The following F2R variants were observed in gnomAD, a reference collection of about 807,000 sequenced individuals.
F2R encodes proteinase-activated receptor 1.
Under a neutral mutation model 18.3 loss-of-function variants are expected in F2R, and 12 were observed. The observed-to-expected ratio is 0.66, with a 90% confidence interval of 0.42 to 1.06. The LOEUF is 1.06. Ranked by LOEUF, F2R falls within the 50% of genes least tolerant of loss-of-function variation. The probability of loss-of-function intolerance (pLI) is 0.00; values close to 1 mark genes in which losing one functional copy is unlikely to be tolerated. For missense variants in F2R, 438 were observed against 530.8 expected (o/e 0.83, Z 1.72); for synonymous variants, 210 against 219.9 (o/e 0.95, Z 0.40).
chr5:76,732,542 C>T lies in F2R; in HGVS notation c.317C>T (p.Pro106Leu), dbSNP rs1748687022. 1 of 1,614,196 alleles carries T rather than the reference C, an allele frequency of 6.2e-7. No homozygotes were observed. ...LTSSWLTLFV[P>L]SVYTGVFVVS... Reference sequence around the variant, plus strand: ...AGCTCCTGGCTGACACTCTTTGTCCCATCTGTGTACACCGGAGTGTTTGTA... The same window carrying T: ...AGCTCCTGGCTGACACTCTTTGTCCTATCTGTGTACACCGGAGTGTTTGTA... The change falls in exon 2 of 2, where the codon CCA (proline) becomes CTA (leucine). Residue 106 changes from proline to leucine, a missense_variant. Transcript: ENST00000319211.
rs116398253 is a variant in F2R at position 76,723,156 on chromosome 5, C to T, written c.88+6761C>T. Among the ~76,000 whole-genome samples the T allele has an allele frequency of 4.3e-3, 649 of 152,242 alleles. 10 individuals are homozygous for T. Among genetic ancestry groups the T allele is most frequent in the Middle Eastern group, 0.027 (8 of 294 alleles). Reference sequence around the variant, plus strand: ...TGTGTGGTTGGTGTGCAGCCAAAGTCAGTAGGACTCCAGAATTCCCAAGCT... The same window carrying T: ...TGTGTGGTTGGTGTGCAGCCAAAGTTAGTAGGACTCCAGAATTCCCAAGCT... On this transcript the variant is annotated intron_variant, in intron 1 of 1. Transcript: ENST00000319211.
chr5:76,720,867 G>A (rs1748437868), intron 1 of F2R, among the ~76,000 whole-genome samples: 1 of 152,144 alleles, frequency 6.6e-6, no homozygotes, highest in African/African-American at 2.4e-5. Context: ...GAGTGCAGAG[G>A]CACAAATTTG....
Position 76,716,248 on chromosome 5 carries a change from A to G in F2R, c.-60A>G. 7.8e-7 allele frequency: 1 copy of G among 1,283,942 alleles called. No homozygotes were observed. The highest frequency in any genetic ancestry group is 1.0e-6 in the Non-Finnish European group (1 of 1,004,108). 79.5% of individuals were successfully genotyped at this position (1,283,942 alleles called of 1,614,324 possible). On this transcript the variant is annotated 5_prime_UTR_variant, in exon 1 of 2. Transcript: ENST00000319211. ...CCCGCAGAAGTCAGGAGAGAGGGTG[A>G]AGCGGAGCAGCCCGAGGCGGGGCAG...
At chr5:76,721,086 C>T (rs776869913) in intron 1 of F2R, among the ~76,000 whole-genome samples, 2 of 152,190 alleles carry the variant, frequency 1.3e-5, no homozygotes, top group South Asian at 2.1e-4. Flanking sequence ...GAATTCTAGG[C>T]GTGAGCCACC....
chr5:76,716,704 C>A, intron 1 of F2R: 1 of 721,592 alleles, frequency 1.4e-6, no homozygotes, highest in Admixed American at 2.0e-5. Flanking sequence ...TTGCACTTGT[C>A]ATTGTGTTTC....
In F2R at chr5:76,721,903, G is replaced by A. The variant is rs573820312; in HGVS notation, c.88+5508G>A. On this transcript the variant is annotated intron_variant, in intron 1 of 1. Transcript: ENST00000319211. ...TTCCACACTATATTCTATTTTTAATGCTTATTGCAATCTTGTGAATTGATT... is the reference window on the plus strand; with the variant it reads ...TTCCACACTATATTCTATTTTTAATACTTATTGCAATCTTGTGAATTGATT... Among the ~76,000 whole-genome samples the A allele has an allele frequency of 3.9e-5, 6 of 151,958 alleles. No homozygotes were observed. In the South Asian group the frequency reaches 1.2e-3, roughly 32 times the overall value.
In F2R at chr5:76,732,633, G is replaced by C. The variant is rs181326734; in HGVS notation, c.408G>C (p.Pro136=). 1 of 1,614,162 alleles carries C rather than the reference G, an allele frequency of 6.2e-7. No individual in the cohort carries two copies. The highest frequency in any genetic ancestry group is 8.5e-7 in the Non-Finnish European group (1 of 1,180,032). ...TCCTGAAAATGAAGGTCAAGAAGCC[G>C]GCGGTGGTGTACATGCTGCACCTGG... The part of the protein sequence containing the change: ...VFILKMKVKK[P]AVVYMLHLAT... The change falls in exon 2 of 2, where the codon CCG becomes CCC. Residue 136 remains proline (P), a synonymous_variant. Transcript: ENST00000319211.
At chr5:76,731,049 G>T (rs1252365058) in intron 1 of F2R, among the ~76,000 whole-genome samples, 1 of 152,156 alleles carries the variant, frequency 6.6e-6, no homozygotes, top group Non-Finnish European at 1.5e-5. Context: ...CAAAAACCTT[G>T]GTTGGTCTGG....
At chr5:76,721,658 C>T (rs1432226859) in intron 1 of F2R, among the ~76,000 whole-genome samples, 1 of 152,192 alleles carries the variant, frequency 6.6e-6, no homozygotes, top group Non-Finnish European at 1.5e-5. Context: ...CAGTATTTTC[C>T]TCTTTCGTAA....
In F2R at chr5:76,716,192, G is replaced by A. The variant is rs904348446; in HGVS notation, c.-116G>A. 8.9e-6 allele frequency: 7 copies of A among 783,808 alleles called. No homozygotes were observed. Among genetic ancestry groups the A allele is most frequent in the African/African-American group, 5.5e-5 (3 of 54,938 alleles). The allele number at this position is 783,808 out of a possible 1,614,324, so 48.6% of individuals were successfully genotyped here. The stretch of plus-strand genomic sequence containing the variant: ...CTGATCTTACCCGTGGGCACCCTGC[G>A]CTCTGCCTGCCGCGAAGACCGGCTC... On this transcript the variant is annotated 5_prime_UTR_variant, in exon 1 of 2. Coordinates refer to ENST00000319211, the MANE Select transcript of F2R (RefSeq NM_001992.5).
At chr5:76,727,491 A>G (rs958769364) in intron 1 of F2R, among the ~76,000 whole-genome samples, 1 of 152,160 alleles carries the variant, frequency 6.6e-6, no homozygotes, top group African/African-American at 2.4e-5. Context: ...TCATCACTGG[A>G]GACATTCATT....
intron 1 of F2R, among the ~76,000 whole-genome samples, chr5:76,726,260 G>A (rs993561690): frequency 5.3e-5 from 8 of 151,960 alleles, no homozygotes; most frequent in South Asian, 2.1e-4. Context: ...AGCCGGGCGC[G>A]GTGGCTCACA....
chr5:76,733,317 C>A lies in F2R; in HGVS notation c.1092C>A (p.Cys364Ter), dbSNP rs760330511. The A allele has an allele frequency of 1.9e-6, 3 of 1,614,212 alleles. No homozygotes were observed. The Admixed American group carries it at 5.0e-5, about 27-fold the overall frequency. The change falls in exon 2 of 2, where the codon TGC becomes TGA. Residue 364 changes from cysteine (C) to a stop codon, truncating the protein, a stop_gained. Transcript: ENST00000319211. LOFTEE classifies it high-confidence loss of function. ...GTGTCTGTGTCAGCAGCATAAGCTGCTGCATCGACCCCCTAATTTACTATT... is the reference window on the plus strand; with the variant it reads ...GTGTCTGTGTCAGCAGCATAAGCTGATGCATCGACCCCCTAATTTACTATT... ...LLCVCVSSIS[C>*]CIDPLIYYYA...
chr5:76,719,876 C>T (rs939078484), intron 1 of F2R, among the ~76,000 whole-genome samples: 21 of 152,198 alleles, frequency 1.4e-4, no homozygotes, highest in Non-Finnish European at 1.3e-4. Context: ...CTCTCATTTA[C>T]TTTCGCTAAC....
intron 1 of F2R, among the ~76,000 whole-genome samples, chr5:76,731,724 T>G (rs1748672898): frequency 6.6e-6 from 1 of 152,056 alleles, no homozygotes; most frequent in South Asian, 2.1e-4. Context: ...GAGATGGGGT[T>G]TCACCATCTT....
intron 1 of F2R, among the ~76,000 whole-genome samples, chr5:76,726,400 AGGCACCT>A (rs1239074536): frequency 6.6e-6 from 1 of 152,054 alleles, no homozygotes; most frequent in Middle Eastern, 3.2e-3. Flanking sequence ...GCGCGGTGGC[AGGCACCT>A]GTAGTCCCAG....
In F2R at chr5:76,723,082, A is replaced by G. The variant is rs778152665; in HGVS notation, c.88+6687A>G. ...ATGTATTTTTCTGTTTTGTCCTTGA[A>G]TATCTCCCTGCTATCTCTCTCCTGT... On this transcript the variant is annotated intron_variant, in intron 1 of 1. Coordinates refer to ENST00000319211, the MANE Select transcript of F2R (RefSeq NM_001992.5). Among the ~76,000 whole-genome samples the G allele has an allele frequency of 4.8e-4, 73 of 152,100 alleles. 1 individual carries two copies. Among genetic ancestry groups the G allele is most frequent in the Admixed American group, 1.8e-3 (28 of 15,270 alleles).
intron 1 of F2R, among the ~76,000 whole-genome samples, chr5:76,730,941 G>A (rs2150583179): frequency 6.6e-6 from 1 of 152,312 alleles, no homozygotes; most frequent in Non-Finnish European, 1.5e-5. Context: ...AGATGCATAG[G>A]GCAGCGATTG....
In F2R at chr5:76,734,272, G is replaced by C. The variant is rs964745280; in HGVS notation, c.*769G>C. 2.0e-5 allele frequency: 3 copies of C among 152,302 alleles called. No individual in the cohort carries two copies. Among genetic ancestry groups the C allele is most frequent in the Non-Finnish European group, 4.4e-5 (3 of 68,054 alleles). 9.4% of individuals were successfully genotyped at this position (152,302 alleles called of 1,614,324 possible). ...GGCTTTCAGAGTAGGCTATTCCTGA[G>C]AGCTGCATGTGTCCGCCCCCGATGG... On this transcript the variant is annotated 3_prime_UTR_variant, in exon 2 of 2. Transcript: ENST00000319211.
Sources: gnomAD v4.1 joint callset for allele counts (sites outside exome capture counted in the v4.1 genomes callset) on GRCh38, gnomAD v4.1.1 for gene constraint, MANE v1.5 for transcripts, NCBI Gene and HGNC (gene_info 2026-07-23, HGNC 2026-07-21) for gene names.